The following PHC3 variants were observed in gnomAD, a reference collection of about 807,000 sequenced individuals.
The protein encoded by PHC3 is polyhomeotic-like protein 3.
A neutral mutation model predicts 107.4 loss-of-function variants in PHC3; 13 were observed. The observed-to-expected ratio is 0.12, with a 90% CI of 0.08 to 0.19. The LOEUF is 0.19. PHC3 is among the 10% of genes least tolerant of loss of function. The pLI is 1.00. For missense variants in PHC3, 992 were observed against 1,210.9 expected, an observed-to-expected ratio of 0.82 and a Z score of 2.68; for synonymous variants, 456 against 427.4, an observed-to-expected ratio of 1.07 and a Z score of -0.83.
intron 4 of PHC3, among the ~76,000 whole-genome samples, chr3:170,167,951 G>A (rs1728978511): frequency 6.6e-6 from 1 of 151,998 alleles, no homozygotes; most frequent in South Asian, 2.1e-4. Flanking sequence ...GAGCTCAGGA[G>A]TTCGAGACCA....
intron 4 of PHC3, among the ~76,000 whole-genome samples, chr3:170,154,745 T>G (rs1394638846): frequency 6.6e-6 from 1 of 152,216 alleles, no homozygotes. Flanking sequence ...ACAAGTAATA[T>G]TTCAAAAGCA....
At chr3:170,176,187 C>A (rs1577287623) in intron 2 of PHC3, among the ~76,000 whole-genome samples, 1 of 150,510 alleles carries the variant, frequency 6.6e-6, no homozygotes, top group Admixed American at 6.6e-5. Context: ...GATCACGCCA[C>A]CGCACTCCAG....
intron 7 of PHC3, among the ~76,000 whole-genome samples, chr3:170,135,786 G>C (rs540900042): frequency 3.2e-4 from 48 of 152,198 alleles, no homozygotes; most frequent in Non-Finnish European, 5.6e-4. Flanking sequence ...GAGAAATTCT[G>C]AGATGAACAG....
chr3:170,150,659 G>A, intron 4 of PHC3: 1 of 343,000 alleles, frequency 2.9e-6, no homozygotes, highest in Non-Finnish European at 5.7e-6. Flanking sequence ...CTTGCAGTGA[G>A]CCGAGATTGC....
intron 4 of PHC3, among the ~76,000 whole-genome samples, chr3:170,163,563 G>A (rs1412767184): frequency 4.0e-5 from 6 of 150,516 alleles, no homozygotes; most frequent in South Asian, 2.1e-4. Context: ...TTACATTTAC[G>A]TATAGAAATG....
chr3:170,131,451 A>G (rs1032021214), intron 7 of PHC3, among the ~76,000 whole-genome samples: 2 of 152,196 alleles, frequency 1.3e-5, no homozygotes, highest in Non-Finnish European at 2.9e-5. Flanking sequence ...TTTTGCAAGC[A>G]TAACAGCAAG....
At chr3:170,115,315 G>A (rs1718688767) in intron 10 of PHC3, among the ~76,000 whole-genome samples, 1 of 149,104 alleles carries the variant, frequency 6.7e-6, no homozygotes, top group African/African-American at 2.4e-5. Context: ...AATTTCCTCA[G>A]TGAAAGGAGA....
At chr3:170,131,690 C>T (rs531414978) in intron 7 of PHC3, among the ~76,000 whole-genome samples, 1 of 152,106 alleles carries the variant, frequency 6.6e-6, no homozygotes, top group East Asian at 1.9e-4. Context: ...AAAAATTAGC[C>T]GGGCTTGGTA....
intron 4 of PHC3, among the ~76,000 whole-genome samples, chr3:170,160,356 T>C (rs913648624): frequency 1.3e-5 from 2 of 152,212 alleles, no homozygotes; most frequent in Non-Finnish European, 2.9e-5. Flanking sequence ...ACCACTTGAT[T>C]AGTACTATTA....
At chr3:170,137,606 T>C (rs1360427094) in intron 6 of PHC3, among the ~76,000 whole-genome samples, 1 of 152,150 alleles carries the variant, frequency 6.6e-6, no homozygotes, top group Non-Finnish European at 1.5e-5. Context: ...GTGTGTTCCG[T>C]CTCTACATCA....
At chr3:170,158,292 C>T (rs766945614) in intron 4 of PHC3, among the ~76,000 whole-genome samples, 1 of 152,048 alleles carries the variant, frequency 6.6e-6, no homozygotes, top group Non-Finnish European at 1.5e-5. Flanking sequence ...ATACTCAATG[C>T]GGGCCAGGCA....
intron 5 of PHC3, among the ~76,000 whole-genome samples, chr3:170,146,230 C>T (rs1724913093): frequency 6.6e-6 from 1 of 151,878 alleles, no homozygotes; most frequent in South Asian, 2.1e-4. Context: ...CAAAAATTAG[C>T]CGGGTGTGGT....
chr3:170,139,688 T>C (rs1723718307), intron 6 of PHC3, among the ~76,000 whole-genome samples: 1 of 152,244 alleles, frequency 6.6e-6, no homozygotes, highest in Admixed American at 6.5e-5. Flanking sequence ...AGAATATGGT[T>C]AAAATATCTA....
intron 9 of PHC3, among the ~76,000 whole-genome samples, chr3:170,119,702 T>C (rs2108396846): frequency 6.6e-6 from 1 of 152,268 alleles, no homozygotes; most frequent in South Asian, 2.1e-4. Context: ...AGATGTGAGA[T>C]TTTTCTACCT....
At position 170,114,987 on chromosome 3, in the gene PHC3, A is replaced by G. The variant is rs1375872588; in HGVS notation, c.2194-1468T>C. Among the ~76,000 whole-genome samples, 3 of 152,232 alleles carry G rather than the reference A, an allele frequency of 2.0e-5. No individual in the cohort carries two copies. In the East Asian group the frequency reaches 5.8e-4, roughly 29 times the overall value. ...AAAACTCACATTCAATGCTAAGGGC[A>G]TACACTTCTCACAGATGAATAAATT... On this transcript the variant is annotated intron_variant, in intron 10 of 14. Coordinates refer to ENST00000495893, the MANE Select transcript of PHC3 (RefSeq NM_024947.4).
At position 170,106,946 on chromosome 3, in the gene PHC3, T is replaced by C. The variant is rs571097624; in HGVS notation, c.2354A>G (p.Glu785Gly). ...CTCACTGTCCATTTCTTCTAATGTC[T>C]CTAAAAAAGAAGGAAACAAAGGAAA... The part of the protein sequence containing the change: ...DTEMEDMIAE[E>G]TLEEMDSELL... Residue 785 changes from glutamate (E) to glycine (G), a missense_variant and splice_region_variant, in exon 12 of 15, where the codon GAG (glutamate) becomes GGG (glycine). This residue lies in a region of PHC3 where 228 missense variants were observed against 288.8 expected (regional missense o/e 0.79). Transcript: ENST00000495893. The C allele has an allele frequency of 6.3e-6, 10 of 1,579,874 alleles. No individual in the cohort carries two copies. The Admixed American group carries it at 9.7e-5, about 15-fold the overall frequency.
intron 10 of PHC3, among the ~76,000 whole-genome samples, chr3:170,113,884 C>A (rs144581460): frequency 1.3e-5 from 2 of 152,076 alleles, no homozygotes; most frequent in East Asian, 3.9e-4. Context: ...CAGTCCAACA[C>A]TGAAAAACAA....
intron 5 of PHC3, among the ~76,000 whole-genome samples, chr3:170,146,960 A>G (rs1577155596): frequency 7.8e-6 from 1 of 128,780 alleles, no homozygotes; most frequent in African/African-American, 3.0e-5. Flanking sequence ...TCCGCTCACC[A>G]CAACCTCTGC....
At chr3:170,102,281 G>T in intron 14 of PHC3, 198 bp downstream of exon 14, 1 of 985,360 alleles carries the variant, frequency 1.0e-6, no homozygotes, top group Non-Finnish European at 1.2e-6. Context: ...TCGACTTGGG[G>T]GGTATGAGAA....
Sources: allele counts gnomAD v4.1 joint callset (sites outside exome capture counted in the v4.1 genomes callset), GRCh38; gene constraint gnomAD v4.1.1; regional missense constraint gnomAD v4.1.1; transcripts MANE v1.5; gene names NCBI Gene and HGNC (gene_info 2026-07-23, HGNC 2026-07-21).